RC3H2: variants seen among roughly 807,000 people sequenced by gnomAD.
The protein encoded by RC3H2 is ring finger and CCCH-type domains 2, also known as roquin-2.
In RC3H2, 31 loss-of-function variants were observed where a neutral mutation model predicts 133.3. That is an observed-to-expected ratio of 0.23 (90% confidence interval 0.17 to 0.31). The LOEUF is 0.31. Among genes scored for constraint, RC3H2 ranks in the 10% least tolerant of loss-of-function variants. The pLI, the probability that RC3H2 is intolerant of heterozygous loss-of-function variation, is 1.00. For synonymous variants in RC3H2, 517 were observed against 502.2 expected (o/e 1.03, Z -0.40); for missense variants, 1,175 against 1,437.2 (o/e 0.82, Z 2.95).
At position 122,848,409 on chromosome 9, in the gene RC3H2, A is replaced by G. The variant is rs1339618025; in HGVS notation, c.*1218T>C. The G allele has an allele frequency of 6.6e-6, 1 of 152,196 alleles. No individual in the cohort carries two copies. The highest frequency in any genetic ancestry group is 1.5e-5 in the Non-Finnish European group (1 of 68,018). 9.4% of individuals were successfully genotyped at this position (152,196 alleles called of 1,614,324 possible). ...ATACCTCCCACAAATCTGATGCATG[A>G]CTTGTTGAACACATTGTATACTTTC... On this transcript the variant is annotated 3_prime_UTR_variant, in exon 21 of 21. Transcript: ENST00000357244.
At chr9:122,886,629 ACAGTGGG>A (rs1400816059) in intron 4 of RC3H2, among the ~76,000 whole-genome samples, 1 of 152,198 alleles carries the variant, frequency 6.6e-6, no homozygotes, top group Non-Finnish European at 1.5e-5. Flanking sequence ...TTCCGAAGTT[ACAGTGGG>A]CTATAAGCGT....
chr9:122,878,809 C>T (rs1428014911), intron 8 of RC3H2, among the ~76,000 whole-genome samples: 5 of 151,776 alleles, frequency 3.3e-5, no homozygotes, highest in African/African-American at 1.2e-4. Context: ...AGTGCAGTGG[C>T]GCGATCTCGG....
At chr9:122,884,809 C>T (rs931293743) in intron 4 of RC3H2, among the ~76,000 whole-genome samples, 4 of 150,762 alleles carry the variant, frequency 2.7e-5, no homozygotes, top group Admixed American at 1.3e-4. Flanking sequence ...GCCGAGATTA[C>T]GCCACTGCAC....
At position 122,844,966 on chromosome 9, in the gene RC3H2, T is replaced by C. The variant is rs1829838818; in HGVS notation, c.*4661A>G. 6.6e-6 allele frequency: 1 copy of C among 152,270 alleles called. No individual in the cohort carries two copies. The highest frequency in any genetic ancestry group is 1.5e-5 in the Non-Finnish European group (1 of 68,050). The allele number at this position is 152,270 out of a possible 1,614,324, so 9.4% of individuals were successfully genotyped here. A position where few individuals can be genotyped will look rare whatever the true frequency, so the allele number is the denominator to read the frequency against. On this transcript the variant is annotated 3_prime_UTR_variant, in exon 21 of 21. Coordinates refer to ENST00000357244, the MANE Select transcript of RC3H2 (RefSeq NM_001100588.3). ...TAGTTTTAAATAGAAGCTGAGTATA[T>C]GCCTTAAAAATGAGCATTAAATCCA...
chr9:122,866,719 C>T (rs1466034612), intron 9 of RC3H2, among the ~76,000 whole-genome samples: 1 of 152,178 alleles, frequency 6.6e-6, no homozygotes, highest in Non-Finnish European at 1.5e-5. Flanking sequence ...CAGTGGTGCC[C>T]AGGCTGGAGT....
Position 122,865,677 on chromosome 9 carries a change from C to A in RC3H2, c.1326-20G>T, listed in dbSNP as rs984724856. The A allele has an allele frequency of 1.9e-6, 3 of 1,594,252 alleles. No individual in the cohort carries two copies. In the African/African-American group the frequency reaches 4.0e-5, roughly 21 times the overall value. On this transcript the variant is annotated intron_variant, in intron 9 of 20. Coordinates refer to ENST00000357244, the MANE Select transcript of RC3H2 (RefSeq NM_001100588.3). Reference sequence around the variant, plus strand: ...CGATACCTGTTTCAAAAACAATCAACAGATTGGTGAATATTTCACTAAATC... The same window carrying A: ...CGATACCTGTTTCAAAAACAATCAAAAGATTGGTGAATATTTCACTAAATC...
At chr9:122,876,373 A>G (rs1320177810) in intron 9 of RC3H2, among the ~76,000 whole-genome samples, 1 of 152,124 alleles carries the variant, frequency 6.6e-6, no homozygotes, top group East Asian at 1.9e-4. Context: ...CACGTCTGTA[A>G]TCCCAGTACT....
chr9:122,849,562 A>G lies in RC3H2; in HGVS notation c.*65T>C, dbSNP rs1829941603. The G allele has an allele frequency of 3.0e-6, 2 of 674,996 alleles. No homozygotes were observed. The highest frequency in any genetic ancestry group is 1.9e-5 in the African/African-American group (1 of 52,052). 41.8% of individuals were successfully genotyped at this position (674,996 alleles called of 1,614,324 possible). A position where few individuals can be genotyped will look rare whatever the true frequency, so the allele number is the denominator to read the frequency against. ...ATATACATTATATAATATATATTAT[A>G]TATATAAAAAGCTAGTGTAAATGCT... is the stretch of plus-strand genomic sequence containing the variant. On this transcript the variant is annotated 3_prime_UTR_variant, in exon 21 of 21. Coordinates refer to ENST00000357244, the MANE Select transcript of RC3H2 (RefSeq NM_001100588.3).
intron 2 of RC3H2, among the ~76,000 whole-genome samples, chr9:122,895,654 G>C (rs1008985484): frequency 6.6e-6 from 1 of 152,148 alleles, no homozygotes; most frequent in Admixed American, 6.5e-5. Flanking sequence ...AAGAGATTTT[G>C]TGCTTTACAA....
At chr9:122,870,636 T>G (rs770682392) in intron 9 of RC3H2, among the ~76,000 whole-genome samples, 2 of 152,136 alleles carry the variant, frequency 1.3e-5, no homozygotes, top group African/African-American at 2.4e-5. Context: ...TAGACTGCCT[T>G]AAATCCTAAA....
intron 9 of RC3H2, among the ~76,000 whole-genome samples, chr9:122,871,392 G>C (rs1441471307): frequency 6.6e-6 from 1 of 151,746 alleles, no homozygotes; most frequent in Admixed American, 6.6e-5. Context: ...CCACCTCCCA[G>C]GTTCACGCCA....
chr9:122,882,858 T>A (rs918447771), intron 5 of RC3H2, among the ~76,000 whole-genome samples: 1 of 152,224 alleles, frequency 6.6e-6, no homozygotes, highest in Non-Finnish European at 1.5e-5. Flanking sequence ...AAAGTTTACA[T>A]ACTCCTTATG....
At position 122,897,571 on chromosome 9, in the gene RC3H2, T is replaced by C; in HGVS notation, c.-62A>G. Reference sequence around the variant, plus strand: ...ATCATTATTTTGCTGTGTAGTGTTTTGTAAGCTAGAAATGGACAAAAGTAT... The same window carrying C: ...ATCATTATTTTGCTGTGTAGTGTTTCGTAAGCTAGAAATGGACAAAAGTAT... On this transcript the variant is annotated 5_prime_UTR_variant, in exon 2 of 21. Coordinates refer to ENST00000357244, the MANE Select transcript of RC3H2 (RefSeq NM_001100588.3). 1 of 1,541,670 alleles carries C rather than the reference T, an allele frequency of 6.5e-7. No homozygotes were observed. Among genetic ancestry groups the C allele is most frequent in the Non-Finnish European group, 8.8e-7 (1 of 1,139,340 alleles).
At position 122,887,682 on chromosome 9, in the gene RC3H2, G is replaced by A. The variant is rs1238459949; in HGVS notation, c.583+2630C>T. ...AAACAATTGAGTCCGTACTAATATT[G>A]CCAATTCAAATTTAAGACTGCAGGA... On this transcript the variant is annotated intron_variant, in intron 4 of 20. Coordinates refer to ENST00000357244, the MANE Select transcript of RC3H2 (RefSeq NM_001100588.3). Among the ~76,000 whole-genome samples, 3 of 150,476 alleles carry A rather than the reference G, an allele frequency of 2.0e-5. No homozygotes were observed. The East Asian group carries it at 5.8e-4, about 29-fold the overall frequency.
intron 9 of RC3H2, among the ~76,000 whole-genome samples, chr9:122,866,410 CG>C (rs1408116136): frequency 2.1e-5 from 3 of 140,540 alleles, no homozygotes; most frequent in Non-Finnish European, 4.6e-5. Flanking sequence ...CCTCTCCCCA[CG>C]GTCTCCCTCT....
chr9:122,899,648 A>G (rs1832578850), intron 1 of RC3H2, among the ~76,000 whole-genome samples: 1 of 152,236 alleles, frequency 6.6e-6, no homozygotes, highest in African/African-American at 2.4e-5. Context: ...ATAAGCACTG[A>G]GCAGATGAAT....
In RC3H2 at chr9:122,855,884, T is replaced by TA. The variant is rs748120134; in HGVS notation, c.2455-7dup. ...CCACTCACACTCTCTGAGAACTGGT[T>TA]AAAAAAAAATAAATAAAGCCAATTA... On this transcript the variant is annotated splice_region_variant and splice_polypyrimidine_tract_variant and intron_variant, in intron 13 of 20. Transcript: ENST00000357244. The TA allele has an allele frequency of 3.4e-4, 533 of 1,572,246 alleles. No homozygotes were observed. The highest frequency in any genetic ancestry group is 1.9e-3 in the East Asian group (85 of 44,168).
chr9:122,851,188 A>G lies in RC3H2; in HGVS notation c.3273T>C (p.Asp1091=). 1 of 1,614,094 alleles carries G rather than the reference A, an allele frequency of 6.2e-7. No homozygotes were observed. Among genetic ancestry groups the G allele is most frequent in the Non-Finnish European group, 8.5e-7 (1 of 1,179,972 alleles). ...DIQLGISSQN[D]QLLNGMAVEN... is the part of the protein sequence containing the mutation. ...CCACTGCCATTCCATTTAGCAACTG[A>G]TCATTTTGAGAACTGATACCAAGCT... The change falls in exon 20 of 21, where the codon GAT becomes GAC. Residue 1091 remains aspartate, a synonymous_variant. Transcript: ENST00000357244.
At chr9:122,901,097 C>T (rs146373449) in intron 1 of RC3H2, among the ~76,000 whole-genome samples, 144 of 152,320 alleles carry the variant, frequency 9.5e-4, no homozygotes, top group African/African-American at 3.2e-3. Context: ...AGGTCTACGG[C>T]ATCTGATTTT....
Sources: gnomAD v4.1 joint callset for allele counts (sites outside exome capture counted in the v4.1 genomes callset) on GRCh38, gnomAD v4.1.1 for gene constraint, MANE v1.5 for transcripts, NCBI Gene and HGNC (gene_info 2026-07-23, HGNC 2026-07-21) for gene names.